The following XYLT1 variants were observed in gnomAD, a reference collection of about 807,000 sequenced individuals.
The protein encoded by XYLT1 is xylosyltransferase 1, also known as beta-D-xylosyltransferase 1.
A neutral mutation model predicts 91.3 loss-of-function variants in XYLT1; 36 were observed. That is an observed-to-expected ratio of 0.39 (90% confidence interval 0.30 to 0.52). XYLT1 has a LOEUF of 0.52. XYLT1 is among the 20% of genes least tolerant of loss of function. The pLI, the probability that XYLT1 is intolerant of heterozygous loss-of-function variation, is 0.68. For synonymous variants in XYLT1, 588 were observed against 532.0 expected (o/e 1.11, Z -1.45); for missense variants, 1,242 against 1,284.5 (o/e 0.97, Z 0.51).
intron 2 of XYLT1, among the ~76,000 whole-genome samples, chr16:17,319,734 C>T (rs2034688824): frequency 6.6e-6 from 1 of 152,182 alleles, no homozygotes; most frequent in Non-Finnish European, 1.5e-5. Context: ...AGCCCCCACA[C>T]CCCGCCCAGG....
At chr16:17,238,785 A>C (rs776079159) in intron 3 of XYLT1, among the ~76,000 whole-genome samples, 3 of 152,234 alleles carry the variant, frequency 2.0e-5, no homozygotes, top group Non-Finnish European at 4.4e-5. Context: ...CTGTTCTTTC[A>C]GTTTCAACGG....
chr16:17,333,815 T>C (rs1350005551), intron 2 of XYLT1, among the ~76,000 whole-genome samples: 1 of 152,018 alleles, frequency 6.6e-6, no homozygotes, highest in Non-Finnish European at 1.5e-5. Context: ...CTCGAACTCC[T>C]GACTTCAAGT....
chr16:17,403,798 A>T (rs28413519), intron 1 of XYLT1, among the ~76,000 whole-genome samples: 95,293 of 152,086 alleles, frequency 0.63, 31,416 homozygotes, highest in African/African-American at 0.79. Flanking sequence ...CTTTCCTCAA[A>T]GCCCATCTGG....
chr16:17,406,613 G>A (rs768845214), intron 1 of XYLT1, among the ~76,000 whole-genome samples: 2 of 152,214 alleles, frequency 1.3e-5, no homozygotes, highest in African/African-American at 2.4e-5. Context: ...TTGATCATCT[G>A]GAAAGCAGAT....
At chr16:17,205,145 G>A (rs1424953191) in intron 3 of XYLT1, among the ~76,000 whole-genome samples, 1 of 152,210 alleles carries the variant, frequency 6.6e-6, no homozygotes, top group Non-Finnish European at 1.5e-5. Context: ...TGCAGTGCAG[G>A]TGTGAAGGCT....
intron 2 of XYLT1, among the ~76,000 whole-genome samples, chr16:17,346,101 G>A (rs887278562): frequency 1.6e-4 from 24 of 152,264 alleles, no homozygotes; most frequent in African/African-American, 4.8e-4. Flanking sequence ...GTGAGCCACC[G>A]AGCCCGGCCT....
At chr16:17,341,613 T>C (rs1017071444) in intron 2 of XYLT1, among the ~76,000 whole-genome samples, 3 of 152,194 alleles carry the variant, frequency 2.0e-5, no homozygotes, top group Non-Finnish European at 4.4e-5. Context: ...CTTCAATAAC[T>C]TGTGCACCGA....
chr16:17,375,481 A>AACAC (rs71137985), intron 1 of XYLT1, among the ~76,000 whole-genome samples: 1,504 of 147,532 alleles, frequency 0.01, 27 homozygotes, highest in African/African-American at 0.035. Context: ...TAACATTTAA[A>AACAC]ACACACACAC....
At chr16:17,277,789 T>C (rs1484739575) in intron 2 of XYLT1, among the ~76,000 whole-genome samples, 1 of 152,198 alleles carries the variant, frequency 6.6e-6, no homozygotes, top group Admixed American at 6.5e-5. Flanking sequence ...GTCATTAATT[T>C]GCTTAGGATA....
intron 1 of XYLT1, among the ~76,000 whole-genome samples, chr16:17,424,735 G>T (rs2036291753): frequency 6.6e-6 from 1 of 152,048 alleles, no homozygotes; most frequent in South Asian, 2.1e-4. Context: ...GGCTGTAGTG[G>T]TAGGTGCCTG....
chr16:17,237,790 C>A (rs1478348817), intron 3 of XYLT1, among the ~76,000 whole-genome samples: 1 of 152,188 alleles, frequency 6.6e-6, no homozygotes, highest in Non-Finnish European at 1.5e-5. Context: ...TTGGGTGACA[C>A]TGGGGGTTCA....
intron 1 of XYLT1, among the ~76,000 whole-genome samples, chr16:17,427,863 C>T (rs987205314): frequency 4.6e-5 from 7 of 151,844 alleles, no homozygotes; most frequent in Non-Finnish European, 1.0e-4. Context: ...TGTCTACCAC[C>T]TCAAATCATC....
chr16:17,429,170 G>A (rs1186402147), intron 1 of XYLT1, among the ~76,000 whole-genome samples: 3 of 152,196 alleles, frequency 2.0e-5, no homozygotes, highest in Non-Finnish European at 2.9e-5. Flanking sequence ...AGGATCAAAC[G>A]CCATCCTTAA....
chr16:17,117,635 G>C lies in XYLT1; in HGVS notation c.2557+11C>G. The C allele has an allele frequency of 6.2e-7, 1 of 1,606,702 alleles. No individual in the cohort carries two copies. Among genetic ancestry groups the C allele is most frequent in the Non-Finnish European group, 8.5e-7 (1 of 1,174,680 alleles). ...GAGTATTTCTCCCACATAGACACTG[G>C]GAGTACTTACCAGGTTTGATGGGCT... On this transcript the variant is annotated intron_variant, in intron 11 of 11. Coordinates refer to ENST00000261381, the MANE Select transcript of XYLT1 (RefSeq NM_022166.4).
chr16:17,454,258 G>C (rs2036705872), intron 1 of XYLT1, among the ~76,000 whole-genome samples: 1 of 152,172 alleles, frequency 6.6e-6, no homozygotes, highest in East Asian at 1.9e-4. Flanking sequence ...CCCAAACTGG[G>C]AACTTCCCAA....
intron 2 of XYLT1, among the ~76,000 whole-genome samples, chr16:17,323,166 A>C (rs573276420): frequency 5.2e-4 from 79 of 152,162 alleles, no homozygotes; most frequent in Non-Finnish European, 9.3e-4. Flanking sequence ...ATCATTTTCC[A>C]ATCAACACTG....
chr16:17,417,712 T>G (rs1328938057), intron 1 of XYLT1, among the ~76,000 whole-genome samples: 1 of 152,244 alleles, frequency 6.6e-6, no homozygotes, highest in Non-Finnish European at 1.5e-5. Context: ...TAGTGTCTTA[T>G]TCCCCTCCTC....
intron 5 of XYLT1, among the ~76,000 whole-genome samples, chr16:17,196,766 GC>G (rs2032433839): frequency 6.6e-6 from 1 of 151,904 alleles, no homozygotes; most frequent in African/African-American, 2.4e-5. Context: ...GGAAAAAGCT[GC>G]CCTCTCAAGA....
chr16:17,422,666 C>T (rs1157678913), intron 1 of XYLT1, among the ~76,000 whole-genome samples: 1 of 152,042 alleles, frequency 6.6e-6, no homozygotes, highest in Non-Finnish European at 1.5e-5. Flanking sequence ...CAACACCACG[C>T]CTAACTAATT....
Sources: gnomAD v4.1 joint callset for allele counts (sites outside exome capture counted in the v4.1 genomes callset) on GRCh38, gnomAD v4.1.1 for gene constraint, MANE v1.5 for transcripts, NCBI Gene and HGNC (gene_info 2026-07-23, HGNC 2026-07-21) for gene names.